Variants in NELL2 observed in about 807,000 individuals in gnomAD.
NELL2 encodes the protein protein kinase C-binding protein NELL2.
Under a neutral mutation model 109.6 loss-of-function variants are expected in NELL2, and 41 were observed. The ratio of observed to expected loss-of-function variants is 0.37; its 90% confidence interval spans 0.29 to 0.49. NELL2 has a LOEUF of 0.49. Ranked by LOEUF, NELL2 falls within the 20% of genes least tolerant of loss-of-function variation. The pLI, the probability that NELL2 is intolerant of heterozygous loss-of-function variation, is 0.98. For synonymous variants in NELL2, 355 were observed against 344.7 expected (o/e 1.03, Z -0.33); for missense variants, 900 against 1,008.3 (o/e 0.89, Z 1.45).
At chr12:44,546,139 T>C (rs543864620) in intron 15 of NELL2, among the ~76,000 whole-genome samples, 72 of 152,136 alleles carry the variant, frequency 4.7e-4, no homozygotes, top group Non-Finnish European at 8.7e-4. Flanking sequence ...AAAATAGCTA[T>C]TCTGTATTTA....
Position 44,875,156 on chromosome 12 carries a change from G to C in NELL2, c.184+69C>G, listed in dbSNP as rs1392013840. 4 of 1,553,396 alleles carry C rather than the reference G, an allele frequency of 2.6e-6. No individual in the cohort carries two copies. The East Asian group carries it at 9.1e-5, about 35-fold the overall frequency. ...GAGGCAATACAAAGTTAGGACAAGCGGCAAGAGCAACTCCTGCCGGGGTTA... is the reference window on the plus strand; with the variant it reads ...GAGGCAATACAAAGTTAGGACAAGCCGCAAGAGCAACTCCTGCCGGGGTTA... On this transcript the variant is annotated intron_variant, in intron 2 of 19. Transcript: ENST00000429094.
At chr12:44,519,512 A>T (rs1359294202) in intron 19 of NELL2, among the ~76,000 whole-genome samples, 1 of 152,206 alleles carries the variant, frequency 6.6e-6, no homozygotes, top group Non-Finnish European at 1.5e-5. Flanking sequence ...AAATGTTTCA[A>T]CTCAATGTAA....
intron 12 of NELL2, among the ~76,000 whole-genome samples, chr12:44,676,214 T>A (rs1168580791): frequency 6.6e-6 from 1 of 152,094 alleles, no homozygotes; most frequent in Non-Finnish European, 1.5e-5. Flanking sequence ...CTGGCAAAGT[T>A]GGCAAAGATA....
chr12:44,844,908 A>T (rs1038050637), intron 2 of NELL2, among the ~76,000 whole-genome samples: 1 of 152,138 alleles, frequency 6.6e-6, no homozygotes, highest in East Asian at 1.9e-4. Flanking sequence ...CTAATTTTTT[A>T]AAATTATAAT....
chr12:44,806,122 C>A (rs1942990501), intron 3 of NELL2, among the ~76,000 whole-genome samples: 1 of 151,024 alleles, frequency 6.6e-6, no homozygotes. Context: ...CATAAAAAAA[C>A]CATAAAAACT....
At chr12:44,786,445 A>C (rs894015476) in intron 3 of NELL2, among the ~76,000 whole-genome samples, 1 of 152,178 alleles carries the variant, frequency 6.6e-6, no homozygotes, top group Non-Finnish European at 1.5e-5. Flanking sequence ...AAATTAGTGC[A>C]ACCTTTGTGG....
chr12:44,875,660 A>T, intron 1 of NELL2, 155 bp downstream of exon 1: 3 of 1,584,448 alleles, frequency 1.9e-6, no homozygotes, highest in Non-Finnish European at 8.5e-7. Flanking sequence ...AGCACAGAAA[A>T]AAAAAAAATC....
At chr12:44,676,634 T>C (rs1948329934) in intron 12 of NELL2, among the ~76,000 whole-genome samples, 2 of 152,124 alleles carry the variant, frequency 1.3e-5, no homozygotes, top group South Asian at 4.1e-4. Flanking sequence ...GGTACATTCC[T>C]CAAAAAGAGT....
At chr12:44,919,815 T>C (rs943293582) in intron 1 of NELL2, among the ~76,000 whole-genome samples, 2 of 152,210 alleles carry the variant, frequency 1.3e-5, no homozygotes, top group African/African-American at 2.4e-5. Context: ...TTTAAGGCAT[T>C]CAGTTTGTGC....
At chr12:44,688,921 T>G (rs1948816370) in intron 12 of NELL2, among the ~76,000 whole-genome samples, 1 of 152,212 alleles carries the variant, frequency 6.6e-6, no homozygotes, top group Admixed American at 6.5e-5. Flanking sequence ...TTAACATTGG[T>G]GGCTAGTAAA....
In NELL2 at chr12:44,681,917, C is replaced by A. The variant is rs540789141; in HGVS notation, c.1319-16308G>T. Among the ~76,000 whole-genome samples the A allele has an allele frequency of 2.5e-3, 374 of 151,678 alleles. 4 individuals carry two copies. The highest frequency in any genetic ancestry group is 8.3e-3 in the African/African-American group (338 of 40,956). On this transcript the variant is annotated intron_variant, in intron 12 of 19. Transcript: ENST00000429094. ...CTTTATAGCAGCATGATTTATAGTC[C>A]TTTGGGTATATACCCAGTAATGGGA...
chr12:44,779,104 T>C (rs970552705), intron 5 of NELL2, among the ~76,000 whole-genome samples: 16 of 152,170 alleles, frequency 1.1e-4, no homozygotes, highest in Non-Finnish European at 1.5e-4. Flanking sequence ...ATATGGAAAG[T>C]TAAATGACAT....
intron 9 of NELL2, among the ~76,000 whole-genome samples, chr12:44,765,940 C>T (rs577186133): frequency 3.7e-4 from 56 of 152,192 alleles, no homozygotes; most frequent in Admixed American, 3.3e-3. Flanking sequence ...GCCAAAATGG[C>T]CAAACCCCAT....
Position 44,703,716 on chromosome 12 carries a change from C to G in NELL2, c.1318+10G>C. 6.2e-7 allele frequency: 1 copy of G among 1,612,934 alleles called. No homozygotes were observed. The highest frequency in any genetic ancestry group is 8.5e-7 in the Non-Finnish European group (1 of 1,179,330). On this transcript the variant is annotated intron_variant, in intron 12 of 19. Coordinates refer to ENST00000429094, the MANE Select transcript of NELL2 (RefSeq NM_001145108.2). ...TATACAGCTGAGCTACACATCATTA[C>G]AAGGATTACCTTCACAGTAGGCATT...
chr12:44,715,803 T>C (rs915876189), intron 9 of NELL2, among the ~76,000 whole-genome samples: 3 of 152,160 alleles, frequency 2.0e-5, no homozygotes, highest in Non-Finnish European at 4.4e-5. Flanking sequence ...CTATACAAAT[T>C]ATATAAAGTG....
chr12:44,541,969 C>A (rs1359415621), intron 15 of NELL2, among the ~76,000 whole-genome samples: 1 of 152,138 alleles, frequency 6.6e-6, no homozygotes, highest in East Asian at 1.9e-4. Flanking sequence ...GAGGTCTAAC[C>A]CTTGCCCATA....
chr12:44,834,473 T>C (rs1173240903), intron 2 of NELL2, among the ~76,000 whole-genome samples: 1 of 151,368 alleles, frequency 6.6e-6, no homozygotes, highest in Non-Finnish European at 1.5e-5. Context: ...AAAGGTTTAT[T>C]GATCATGTAC....
chr12:44,687,329 C>T (rs113514592), intron 12 of NELL2, among the ~76,000 whole-genome samples: 34 of 152,310 alleles, frequency 2.2e-4, no homozygotes, highest in South Asian at 4.1e-4. Flanking sequence ...GAGATGAACC[C>T]GGTACCTCAG....
At chr12:44,515,628 CTT>C (rs1436572912) in intron 19 of NELL2, among the ~76,000 whole-genome samples, 4 of 151,838 alleles carry the variant, frequency 2.6e-5, no homozygotes, top group Non-Finnish European at 2.9e-5. Context: ...TAAATATTAA[CTT>C]GATAAAAATG....
Sources: allele counts gnomAD v4.1 joint callset (sites outside exome capture counted in the v4.1 genomes callset), GRCh38; gene constraint gnomAD v4.1.1; transcripts MANE v1.5; gene names NCBI Gene and HGNC (gene_info 2026-07-23, HGNC 2026-07-21).